The following CD226 variants were observed in gnomAD, a reference collection of about 807,000 sequenced individuals.
CD226 encodes CD226 antigen.
A neutral mutation model predicts 34.9 loss-of-function variants in CD226; 24 were observed. The ratio of observed to expected loss-of-function variants is 0.69; its 90% CI spans 0.50 to 0.97. The LOEUF is 0.97. Ranked by LOEUF, CD226 falls within the 50% of genes least tolerant of loss-of-function variation. CD226 has a pLI of 0.00. For synonymous variants in CD226, 148 were observed against 147.4 expected (o/e 1.00, Z -0.03); for missense variants, 397 against 412.7 (o/e 0.96, Z 0.33).
intron 2 of CD226, among the ~76,000 whole-genome samples, chr18:69,920,956 T>C (rs776157029): frequency 3.3e-5 from 5 of 152,344 alleles, no homozygotes; most frequent in Non-Finnish European, 5.9e-5. Context: ...ATCTCGCTTA[T>C]GCAGCACAAC....
chr18:69,917,727 C>T (rs763146699), intron 2 of CD226, among the ~76,000 whole-genome samples: 1 of 152,142 alleles, frequency 6.6e-6, no homozygotes, highest in Admixed American at 6.5e-5. Flanking sequence ...GTATGACCTG[C>T]GTTATGTGTA....
chr18:69,954,340 G>A lies in CD226; in HGVS notation c.-28+2415C>T, dbSNP rs549118995. Among the ~76,000 whole-genome samples, 4 of 152,312 alleles carry A rather than the reference G, an allele frequency of 2.6e-5. No individual in the cohort carries two copies. In the East Asian group the frequency reaches 7.7e-4, roughly 29 times the overall value. On this transcript the variant is annotated intron_variant, in intron 1 of 6. Coordinates refer to the CD226 transcript ENST00000280200. ...AATAATGCAAAAGATCATGATAGTC[G>A]AGGTTGTCAGATAAATGATTTAAGA...
In CD226 at chr18:69,856,202, A is replaced by G. The variant is rs919943900; in HGVS notation, c.*8112T>C. 5 of 152,330 alleles carry G rather than the reference A, an allele frequency of 3.3e-5. No individual in the cohort carries two copies. Among genetic ancestry groups the G allele is most frequent in the African/African-American group, 1.2e-4 (5 of 41,580 alleles). The allele number at this position is 152,330 out of a possible 1,614,324, so 9.4% of individuals were successfully genotyped here. A position where few individuals can be genotyped will look rare whatever the true frequency, so the allele number is the denominator to read the frequency against. On this transcript the variant is annotated 3_prime_UTR_variant, in exon 6 of 6. Coordinates refer to ENST00000582621, the MANE Select transcript of CD226 (RefSeq NM_001303618.2). The stretch of plus-strand genomic sequence containing the variant: ...CAGAACAAGAAAGATTATCAAGAAT[A>G]AAAGGGACATTACATGTGGTAAAGG...
Position 69,858,389 on chromosome 18 carries a change from T to C in CD226, c.*5925A>G, listed in dbSNP as rs1046945093. ...GTCGCAGTGTGTTCTGTTTGGAAAG[T>C]AAGTTGTACCCTGACTGCCACTATG... On this transcript the variant is annotated 3_prime_UTR_variant, in exon 6 of 6. Coordinates refer to ENST00000582621, the MANE Select transcript of CD226 (RefSeq NM_001303618.2). The C allele has an allele frequency of 1.3e-5, 2 of 152,150 alleles. No homozygotes were observed. The highest frequency in any genetic ancestry group is 4.8e-5 in the African/African-American group (2 of 41,418). 9.4% of individuals were successfully genotyped at this position (152,150 alleles called of 1,614,324 possible).
intron 3 of CD226, among the ~76,000 whole-genome samples, chr18:69,886,063 G>A (rs1029047580): frequency 6.6e-6 from 1 of 152,134 alleles, no homozygotes; most frequent in Non-Finnish European, 1.5e-5. Context: ...GTCTCCTGAT[G>A]AGAGTAGTTT....
chr18:69,873,237 T>G lies in CD226; in HGVS notation c.737A>C (p.Asp246Ala), dbSNP rs267605250. ...MRLTVAEGKT[D>A]NQYTLFVAGG... The stretch of plus-strand genomic sequence containing the variant: ...AGCCACAAAGAGGGTATATTGGTTA[T>G]CGGTTTTACCTAGGAGAGAAAAAAA... The change falls in exon 4 of 6, where the codon GAT becomes GCT. Residue 246 changes from aspartate to alanine, a missense_variant. Physicochemically the swap from Asp to Ala is moderately radical, Grantham distance 126. Transcript: ENST00000582621. 6.3e-7 allele frequency: 1 copy of G among 1,593,184 alleles called. No homozygotes were observed. Among genetic ancestry groups the G allele is most frequent in the Non-Finnish European group, 8.6e-7 (1 of 1,161,394 alleles).
chr18:69,860,327 C>T lies in CD226; in HGVS notation c.*3987G>A, dbSNP rs1378478103. Reference sequence around the variant, plus strand: ...CAAGAACCAAAAATCCAAAAGTACACACTAACACTAGAAAAAGTGTTCTGA... The same window carrying T: ...CAAGAACCAAAAATCCAAAAGTACATACTAACACTAGAAAAAGTGTTCTGA... On this transcript the variant is annotated 3_prime_UTR_variant, in exon 6 of 6. Coordinates refer to ENST00000582621, the MANE Select transcript of CD226 (RefSeq NM_001303618.2). The T allele has an allele frequency of 6.6e-6, 1 of 152,162 alleles. No homozygotes were observed. Among genetic ancestry groups the T allele is most frequent in the African/African-American group, 2.4e-5 (1 of 41,434 alleles). 9.4% of individuals were successfully genotyped at this position (152,162 alleles called of 1,614,324 possible). A position where few individuals can be genotyped will look rare whatever the true frequency, so the allele number is the denominator to read the frequency against.
intron 2 of CD226, among the ~76,000 whole-genome samples, chr18:69,898,782 G>A (rs1275912208): frequency 1.3e-5 from 2 of 152,108 alleles, no homozygotes; most frequent in Non-Finnish European, 2.9e-5. Context: ...CAGACCACAG[G>A]CTCTTCCTGC....
chr18:69,943,282 T>C (rs2055748750), intron 2 of CD226, among the ~76,000 whole-genome samples: 1 of 152,174 alleles, frequency 6.6e-6, no homozygotes, highest in African/African-American at 2.4e-5. Flanking sequence ...TATATTTGCT[T>C]TAACTGACTA....
chr18:69,927,625 C>T (rs4891793), intron 2 of CD226, among the ~76,000 whole-genome samples: 136,988 of 152,156 alleles, frequency 0.9, 63,033 homozygotes, highest in East Asian at 1. Flanking sequence ...AGTGGAATCA[C>T]AAAGTATTTG....
At chr18:69,958,083 A>T (rs2055911120), upstream of CD226, among the ~76,000 whole-genome samples, 1 of 152,130 alleles carries the variant, frequency 6.6e-6, no homozygotes, top group Admixed American at 6.5e-5. Context: ...GCTCCAATGT[A>T]TCTTATACTC....
At chr18:69,955,862 CAAAAAAAAA>C (rs10659184) in intron 1 of CD226, among the ~76,000 whole-genome samples, 1 of 83,234 alleles carries the variant, frequency 1.2e-5, no homozygotes, top group Non-Finnish European at 2.2e-5. Context: ...GACTCCATCT[CAAAAAAAAA>C]AAAAAAAAAA....
At chr18:69,878,801 A>G (rs1384834345) in intron 3 of CD226, among the ~76,000 whole-genome samples, 2 of 152,194 alleles carry the variant, frequency 1.3e-5, no homozygotes, top group Non-Finnish European at 2.9e-5. Context: ...CAAGACTTTC[A>G]GGGTCAAGCA....
intron 2 of CD226, among the ~76,000 whole-genome samples, chr18:69,944,928 C>A (rs961610934): frequency 2.0e-5 from 3 of 152,116 alleles, no homozygotes; most frequent in Non-Finnish European, 2.9e-5. Context: ...CCTAGCTACA[C>A]CTAAAGAGAA....
chr18:69,913,694 A>G (rs1307337908), intron 2 of CD226, among the ~76,000 whole-genome samples: 1 of 152,188 alleles, frequency 6.6e-6, no homozygotes, highest in Admixed American at 6.5e-5. Context: ...AGGCAGGAGA[A>G]GTCTCTGCAG....
chr18:69,896,566 A>G (rs921770501), intron 2 of CD226, among the ~76,000 whole-genome samples: 1 of 152,110 alleles, frequency 6.6e-6, no homozygotes, highest in African/African-American at 2.4e-5. Flanking sequence ...AGAAAAGAGG[A>G]TATGATTGTT....
At chr18:69,877,463 C>T (rs565399959) in intron 3 of CD226, among the ~76,000 whole-genome samples, 7 of 152,242 alleles carry the variant, frequency 4.6e-5, no homozygotes, top group South Asian at 4.1e-4. Flanking sequence ...GGCTTCATTA[C>T]GTAGGTATGA....
At position 69,947,486 on chromosome 18, in the gene CD226, A is replaced by C. The variant is rs900615763; in HGVS notation, c.-80T>G. On this transcript the variant is annotated 5_prime_UTR_variant, in exon 1 of 6. In the 5' UTR this introduces an upstream ATG that the reference lacks. Coordinates refer to ENST00000582621, the MANE Select transcript of CD226 (RefSeq NM_001303618.2). ...AATGTGACATGCAGATCCCCAGCAC[A>C]ATGCAGTTTCCTTCCTCTCAGATGT... The C allele has an allele frequency of 4.8e-6, 4 of 836,668 alleles. No homozygotes were observed. In the South Asian group the frequency reaches 6.8e-5, roughly 14 times the overall value. The allele number at this position is 836,668 out of a possible 1,614,324, so 51.8% of individuals were successfully genotyped here. A position where few individuals can be genotyped will look rare whatever the true frequency, so the allele number is the denominator to read the frequency against.
intron 2 of CD226, among the ~76,000 whole-genome samples, chr18:69,941,295 G>A (rs886461014): frequency 1.3e-5 from 2 of 152,180 alleles, no homozygotes; most frequent in African/African-American, 2.4e-5. Flanking sequence ...TGAGAAGAGG[G>A]CCACCATCCT....
Sources: allele counts gnomAD v4.1 joint callset (sites outside exome capture counted in the v4.1 genomes callset), GRCh38; gene constraint gnomAD v4.1.1; transcripts MANE v1.5; gene names NCBI Gene and HGNC (gene_info 2026-07-23, HGNC 2026-07-21).